Variants in PDZRN4 observed in about 807,000 individuals in gnomAD.
PDZRN4 encodes the protein PDZ domain containing ring finger 4.
Under a neutral mutation model 99.0 loss-of-function variants are expected in PDZRN4, and 70 were observed. The observed-to-expected ratio is 0.71, with a 90% CI of 0.58 to 0.86. The LOEUF (loss-of-function observed/expected upper bound fraction) is 0.86. Among genes scored for constraint, PDZRN4 ranks in the 40% least tolerant of loss-of-function variants. PDZRN4 has a pLI of 0.00. For missense variants in PDZRN4, 1,474 were observed against 1,331.2 expected (o/e 1.11, Z -1.67); for synonymous variants, 551 against 501.6 (o/e 1.10, Z -1.32).
chr12:41,526,112 C>T (rs1938564044), intron 5 of PDZRN4, among the ~76,000 whole-genome samples: 1 of 152,178 alleles, frequency 6.6e-6, no homozygotes, highest in Non-Finnish European at 1.5e-5. Context: ...TCTCCTTTGC[C>T]TCCATAATAC....
intron 3 of PDZRN4, among the ~76,000 whole-genome samples, chr12:41,341,860 A>T (rs907495587): frequency 2.6e-5 from 4 of 151,968 alleles, no homozygotes; most frequent in Non-Finnish European, 5.9e-5. Context: ...TCTAAAATTC[A>T]TATGAAAACA....
intron 3 of PDZRN4, among the ~76,000 whole-genome samples, chr12:41,300,477 A>T (rs1263694589): frequency 6.6e-6 from 1 of 152,126 alleles, no homozygotes; most frequent in Middle Eastern, 3.4e-3. Context: ...AAACAGTTTA[A>T]TAAACTGTCT....
At chr12:41,412,664 A>T (rs1003765334) in intron 3 of PDZRN4, 1 of 152,218 alleles carries the variant, frequency 6.6e-6, no homozygotes, top group Non-Finnish European at 1.5e-5. Context: ...TGATGTGGCT[A>T]TGAATCATAT....
intron 5 of PDZRN4, among the ~76,000 whole-genome samples, chr12:41,522,708 C>T (rs1241894154): frequency 6.6e-6 from 1 of 152,084 alleles, no homozygotes; most frequent in Non-Finnish European, 1.5e-5. Context: ...CATTTCCTGT[C>T]ACTTTCCTTA....
Position 41,188,435 on chromosome 12 carries a change from C to A in PDZRN4, c.-21C>A. 6.4e-7 allele frequency: 1 copy of A among 1,555,922 alleles called. No individual in the cohort carries two copies. Among genetic ancestry groups the A allele is most frequent in the East Asian group, 2.4e-5 (1 of 41,990 alleles). On this transcript the variant is annotated 5_prime_UTR_variant, in exon 1 of 10. Transcript: ENST00000402685. ...GAAGACGGACTCTGCTTTCGCTCCC[C>A]CTTTCTTCCCCATCCCTAACATGGG... is the stretch of plus-strand genomic sequence containing the variant.
intron 3 of PDZRN4, among the ~76,000 whole-genome samples, chr12:41,296,031 T>A (rs1191827537): frequency 6.6e-6 from 1 of 152,150 alleles, no homozygotes; most frequent in Non-Finnish European, 1.5e-5. Flanking sequence ...GAAAAGGATC[T>A]ATGGTTAAAA....
Position 41,422,685 on chromosome 12 carries a change from C to A in PDZRN4, c.844-83771C>A, listed in dbSNP as rs10748304. ...TACTGTCAGAACAGCATGGGGGAAA[C>A]GGCCCCCATGATCCAATCACCTTCC... On this transcript the variant is annotated intron_variant, in intron 3 of 9. Coordinates refer to ENST00000402685, the MANE Select transcript of PDZRN4 (RefSeq NM_001164595.2). Among the ~76,000 whole-genome samples the A allele has an allele frequency of 4.6e-5, 7 of 151,576 alleles. No homozygotes were observed. In the South Asian group the frequency reaches 1.5e-3, roughly 31 times the overall value.
intron 7 of PDZRN4, among the ~76,000 whole-genome samples, chr12:41,563,187 C>G (rs941907194): frequency 6.6e-6 from 1 of 152,148 alleles, no homozygotes; most frequent in African/African-American, 2.4e-5. Flanking sequence ...TATTGCCAGT[C>G]CTTCTTCCCC....
At chr12:41,565,788 C>T (rs532235041) in intron 8 of PDZRN4, among the ~76,000 whole-genome samples, 4 of 152,262 alleles carry the variant, frequency 2.6e-5, no homozygotes, top group Non-Finnish European at 4.4e-5. Flanking sequence ...TCCCTCAGGA[C>T]ACTGGGGCAG....
At chr12:41,522,381 A>G (rs1938506453) in intron 5 of PDZRN4, among the ~76,000 whole-genome samples, 1 of 152,090 alleles carries the variant, frequency 6.6e-6, no homozygotes, top group African/African-American at 2.4e-5. Flanking sequence ...GGTTAACTTG[A>G]AGGTCTAAGT....
At chr12:41,427,394 A>G (rs1169475460) in intron 3 of PDZRN4, among the ~76,000 whole-genome samples, 1 of 152,194 alleles carries the variant, frequency 6.6e-6, no homozygotes, top group African/African-American at 2.4e-5. Context: ...TCATGTTCGT[A>G]AGACCCCTTT....
intron 3 of PDZRN4, among the ~76,000 whole-genome samples, chr12:41,428,720 T>C (rs1037663065): frequency 2.0e-5 from 3 of 152,090 alleles, no homozygotes; most frequent in African/African-American, 7.2e-5. Context: ...CTTACAAATG[T>C]GTGTGTGTAG....
At position 41,292,117 on chromosome 12, in the gene PDZRN4, G is replaced by C. The variant is rs898809703; in HGVS notation, c.843+97929G>C. Among the ~76,000 whole-genome samples the C allele has an allele frequency of 1.3e-5, 2 of 152,138 alleles. 1 individual carries two copies. The highest frequency in any genetic ancestry group is 4.1e-4 in the South Asian group (2 of 4,830). ...GGCGTTAGAGAAAAAAGTGGGTCAG[G>C]CATAATAGTTCTTAGGCAAGAAAGA... On this transcript the variant is annotated intron_variant, in intron 3 of 9. Transcript: ENST00000402685.
intron 7 of PDZRN4, among the ~76,000 whole-genome samples, 161 bp from the exon 8 acceptor site, chr12:41,563,387 C>A (rs1463155196): frequency 2.0e-5 from 3 of 152,004 alleles, no homozygotes; most frequent in Non-Finnish European, 4.4e-5. Flanking sequence ...ACAGTAAGCG[C>A]GTAATTGAGT....
chr12:41,269,004 G>T (rs1951297050), intron 3 of PDZRN4, among the ~76,000 whole-genome samples: 1 of 152,142 alleles, frequency 6.6e-6, no homozygotes, highest in Non-Finnish European at 1.5e-5. Context: ...TGTATTGTCT[G>T]CTTCACCTAG....
Position 41,572,568 on chromosome 12 carries a change from A to G in PDZRN4, c.1789A>G (p.Ser597Gly). 5 of 1,614,130 alleles carry G rather than the reference A, an allele frequency of 3.1e-6. No individual in the cohort carries two copies. The highest frequency in any genetic ancestry group is 4.2e-6 in the Non-Finnish European group (5 of 1,180,000). Residue 597 changes from serine (S) to glycine (G), a missense_variant, in exon 10 of 10, where the codon AGT becomes GGT. Coordinates refer to ENST00000402685, the MANE Select transcript of PDZRN4 (RefSeq NM_001164595.2). ...GGGGCAGAGCCAAGACACTCTGGGAAGTGTTGAACTTCAGTACAATGAGAG... is the reference window on the plus strand; with the variant it reads ...GGGGCAGAGCCAAGACACTCTGGGAGGTGTTGAACTTCAGTACAATGAGAG... ...DLGQSQDTLG[S>G]VELQYNESLV...
At chr12:41,305,502 T>A (rs1441561654) in intron 3 of PDZRN4, among the ~76,000 whole-genome samples, 1 of 152,112 alleles carries the variant, frequency 6.6e-6, no homozygotes, top group African/African-American at 2.4e-5. Flanking sequence ...AAGATCAAAT[T>A]GCCAGAAGAT....
At chr12:41,365,035 G>A (rs1342452737) in intron 3 of PDZRN4, among the ~76,000 whole-genome samples, 1 of 152,084 alleles carries the variant, frequency 6.6e-6, no homozygotes, top group Non-Finnish European at 1.5e-5. Context: ...ACATGCCTAG[G>A]ACCTAAAACT....
chr12:41,320,983 A>C (rs909518266), intron 3 of PDZRN4, among the ~76,000 whole-genome samples: 2 of 152,152 alleles, frequency 1.3e-5, no homozygotes, highest in African/African-American at 4.8e-5. Flanking sequence ...TCATTTCTAT[A>C]ATAAAATATA....
Sources: allele counts gnomAD v4.1 joint callset (sites outside exome capture counted in the v4.1 genomes callset), GRCh38; gene constraint gnomAD v4.1.1; transcripts MANE v1.5; gene names NCBI Gene and HGNC (gene_info 2026-07-23, HGNC 2026-07-21).